PC: variants seen among roughly 807,000 people sequenced by gnomAD.
The protein encoded by PC is pyruvate carboxylase, mitochondrial.
PC carries 46 observed loss-of-function variants against 107.8 expected under a neutral mutation model. The ratio of observed to expected loss-of-function variants is 0.43; its 90% CI spans 0.34 to 0.55. The LOEUF is 0.55. Ranked by LOEUF, PC falls within the 20% of genes least tolerant of loss-of-function variation. The pLI is 0.04. For missense variants in PC, 1,241 were observed against 1,643.1 expected, an observed-to-expected ratio of 0.76 and a Z score of 4.23; for synonymous variants, 662 against 684.7, an observed-to-expected ratio of 0.97 and a Z score of 0.52.
chr11:66,938,256 T>C (rs1949046867), intron 3 of PC, among the ~76,000 whole-genome samples: 1 of 152,264 alleles, frequency 6.6e-6, no homozygotes, highest in Non-Finnish European at 1.5e-5. Flanking sequence ...AATAAATGTG[T>C]CTTAGATTGT....
chr11:66,950,098 A>G (rs111728985), intron 3 of PC, among the ~76,000 whole-genome samples: 4,258 of 152,334 alleles, frequency 0.028, 90 homozygotes, highest in Middle Eastern at 0.078. Flanking sequence ...CATGTACATG[A>G]GAAGAGGCTC....
chr11:66,859,494 A>G, intron 12 of PC: 1 of 1,475,902 alleles, frequency 6.8e-7, no homozygotes, highest in Non-Finnish European at 9.0e-7. Flanking sequence ...CACACTCTCC[A>G]GCCTGTTCAC....
intron 3 of PC, among the ~76,000 whole-genome samples, chr11:66,948,556 T>G (rs1446556566): frequency 2.0e-5 from 3 of 152,150 alleles, no homozygotes; most frequent in African/African-American, 7.2e-5. Context: ...ATAAAGCTAT[T>G]GTAAAAACTA....
chr11:66,911,582 T>G (rs1948334770), intron 3 of PC, among the ~76,000 whole-genome samples: 1 of 150,300 alleles, frequency 6.7e-6, no homozygotes, highest in Non-Finnish European at 1.5e-5. Context: ...AGAGCTTGCC[T>G]CTTTAAAAAA....
intron 3 of PC, among the ~76,000 whole-genome samples, chr11:66,893,050 T>G (rs1947632086): frequency 6.6e-6 from 1 of 152,094 alleles, no homozygotes; most frequent in African/African-American, 2.4e-5. Flanking sequence ...CAAGCATGAT[T>G]CAACCCTGAC....
chr11:66,903,766 A>AT (rs1348538074), intron 3 of PC, among the ~76,000 whole-genome samples: 242 of 126,778 alleles, frequency 1.9e-3, no homozygotes, highest in South Asian at 6.2e-3. Context: ...AAAAAAAAAA[A>AT]AAAAAAAATA....
At chr11:66,934,292 G>A (rs914174228) in intron 3 of PC, 8 of 152,332 alleles carry the variant, frequency 5.3e-5, no homozygotes, top group Admixed American at 3.3e-4. Flanking sequence ...CCACCATTAC[G>A]GTGTGTCCAA....
At chr11:66,906,627 C>A (rs112097403) in intron 3 of PC, among the ~76,000 whole-genome samples, 6,380 of 152,124 alleles carry the variant, frequency 0.042, 174 homozygotes, top group Middle Eastern at 0.11. Flanking sequence ...TCCCCCCAGT[C>A]TTTCCCCCTA....
chr11:66,927,290 G>A (rs980488726), intron 3 of PC, among the ~76,000 whole-genome samples: 7 of 147,954 alleles, frequency 4.7e-5, no homozygotes, highest in Non-Finnish European at 8.9e-5. Flanking sequence ...GAACTCAGCA[G>A]TATGACTCTA....
At chr11:66,932,776 G>A (rs1948893148) in intron 3 of PC, among the ~76,000 whole-genome samples, 1 of 152,124 alleles carries the variant, frequency 6.6e-6, no homozygotes. Flanking sequence ...TTTCTTGGAA[G>A]GTAAATCATA....
At chr11:66,922,923 G>A (rs1309777022) in intron 3 of PC, among the ~76,000 whole-genome samples, 1 of 152,180 alleles carries the variant, frequency 6.6e-6, no homozygotes, top group Non-Finnish European at 1.5e-5. Context: ...CTAGAAAAAT[G>A]ACTCTGAAGA....
At position 66,866,358 on chromosome 11, in the gene PC, C is replaced by T. The variant is rs1263435160; in HGVS notation, c.1023-9G>A. 6.5e-7 allele frequency: 1 copy of T among 1,536,788 alleles called. No homozygotes were observed. The highest frequency in any genetic ancestry group is 1.4e-5 in the African/African-American group (1 of 70,226). On this transcript the variant is annotated splice_polypyrimidine_tract_variant and intron_variant, in intron 10 of 22. Coordinates refer to ENST00000393960, the MANE Select transcript of PC (RefSeq NM_001040716.2). The surrounding 1 kb of genome is among the most constrained non-coding windows in gnomAD (Gnocchi z 5.4). ...CATGGACCAGGTCTACGCTGTAGGG[C>T]ATTGGGGGGAGGGGGGAAAGGACGG...
At chr11:66,875,549 G>A (rs1163794113) in intron 3 of PC, among the ~76,000 whole-genome samples, 4 of 152,082 alleles carry the variant, frequency 2.6e-5, no homozygotes, top group African/African-American at 4.8e-5. Flanking sequence ...GAGTCTGGCC[G>A]AGGAGGAAGA....
chr11:66,909,583 G>T (rs1346451524), intron 3 of PC, among the ~76,000 whole-genome samples: 3 of 152,202 alleles, frequency 2.0e-5, no homozygotes, highest in African/African-American at 7.2e-5. Flanking sequence ...AGCGCAGCCT[G>T]CCTGAGTCTC....
intron 3 of PC, among the ~76,000 whole-genome samples, chr11:66,937,526 T>C (rs1949028451): frequency 6.6e-6 from 1 of 152,176 alleles, no homozygotes; most frequent in African/African-American, 2.4e-5. Context: ...CTTGTGGCCA[T>C]TCTTTCTGAC....
intron 3 of PC, among the ~76,000 whole-genome samples, chr11:66,932,157 G>A (rs1948873905): frequency 6.6e-6 from 1 of 152,180 alleles, no homozygotes; most frequent in African/African-American, 2.4e-5. Flanking sequence ...ACTGGGGAGA[G>A]AGGAAAAAGG....
At position 66,872,008 on chromosome 11, in the gene PC, C is replaced by T; in HGVS notation, c.136+16G>A. The T allele has an allele frequency of 6.4e-7, 1 of 1,557,364 alleles. No individual in the cohort carries two copies. The highest frequency in any genetic ancestry group is 8.7e-7 in the Non-Finnish European group (1 of 1,150,438). On this transcript the variant is annotated intron_variant, in intron 4 of 22. Transcript: ENST00000393960. ...GCGGCCATGAGGCTCCTCTCACCGG[C>T]CCCACTGGTGCTCACCTCTGTTGGC...
chr11:66,920,675 G>C (rs1370469645), intron 3 of PC, among the ~76,000 whole-genome samples: 5 of 152,090 alleles, frequency 3.3e-5, no homozygotes, highest in East Asian at 1.9e-4. Flanking sequence ...TTCCTTCTGT[G>C]GGGTATCAGA....
chr11:66,860,328 G>A, intron 12 of PC: 1 of 1,328,010 alleles, frequency 7.5e-7, no homozygotes, highest in South Asian at 1.2e-5. Flanking sequence ...TACTTGGAGG[G>A]GCAGGGAGCC....
Sources: gnomAD v4.1 joint callset for allele counts (sites outside exome capture counted in the v4.1 genomes callset) on GRCh38, gnomAD v4.1.1 for gene constraint, Gnocchi (gnomAD v3.1) non-coding constraint, MANE v1.5 for transcripts, NCBI Gene and HGNC (gene_info 2026-07-23, HGNC 2026-07-21) for gene names.